KCNT2: variants seen among roughly 807,000 people sequenced by gnomAD.
KCNT2 encodes potassium channel subfamily T member 2.
In KCNT2, 67 loss-of-function variants were observed where a neutral mutation model predicts 153.8. The ratio of observed to expected loss-of-function variants is 0.44; its 90% confidence interval spans 0.36 to 0.53. The LOEUF is 0.53. KCNT2 is among the 20% of genes least tolerant of loss of function. KCNT2 has a pLI of 0.00. For missense variants in KCNT2, 975 were observed against 1,354.8 expected (o/e 0.72, Z 4.40); for synonymous variants, 500 against 458.8 (o/e 1.09, Z -1.15).
chr1:196,276,045 TTC>T (rs1430266275), intron 25 of KCNT2, among the ~76,000 whole-genome samples: 4 of 152,002 alleles, frequency 2.6e-5, no homozygotes, highest in Non-Finnish European at 5.9e-5. Flanking sequence ...ATGTTGTTCT[TTC>T]TCTCTCTGTT....
intron 14 of KCNT2, among the ~76,000 whole-genome samples, chr1:196,345,752 G>A (rs977617998): frequency 2.0e-5 from 3 of 152,038 alleles, no homozygotes; most frequent in Admixed American, 1.3e-4. Context: ...GGCAGACTTC[G>A]AGAATTTGCT....
intron 13 of KCNT2, among the ~76,000 whole-genome samples, chr1:196,379,565 T>TTCTC (rs67709356): frequency 0.035 from 4,764 of 136,082 alleles, 84 homozygotes; most frequent in South Asian, 0.052. Flanking sequence ...CAGTGAGACT[T>TTCTC]TCTCTCTCTC....
chr1:196,274,163 G>T (rs938258923), intron 25 of KCNT2, among the ~76,000 whole-genome samples: 1 of 151,500 alleles, frequency 6.6e-6, no homozygotes, highest in African/African-American at 2.4e-5. Context: ...TAAACTAATT[G>T]ATTTCCTTAA....
At chr1:196,409,305 A>G (rs1319242739) in intron 12 of KCNT2, among the ~76,000 whole-genome samples, 4 of 151,224 alleles carry the variant, frequency 2.6e-5, no homozygotes, top group East Asian at 3.9e-4. Context: ...GTTCCATTTA[A>G]TCATACAGGT....
chr1:196,562,357 C>G (rs950256424), intron 1 of KCNT2, among the ~76,000 whole-genome samples: 1 of 151,870 alleles, frequency 6.6e-6, no homozygotes, highest in Non-Finnish European at 1.5e-5. Flanking sequence ...TGCCTGCATT[C>G]AAAAGGAAGG....
At chr1:196,232,782 T>C (rs1006712164) in intron 27 of KCNT2, among the ~76,000 whole-genome samples, 3 of 151,480 alleles carry the variant, frequency 2.0e-5, no homozygotes, top group Admixed American at 6.6e-5. Flanking sequence ...TTTGACAAAA[T>C]GACATGTTCT....
chr1:196,384,617 C>T (rs1357113965), intron 13 of KCNT2, among the ~76,000 whole-genome samples: 2 of 149,408 alleles, frequency 1.3e-5, no homozygotes, highest in African/African-American at 2.5e-5. Context: ...GTAGGAGAAT[C>T]GCTTGAACCC....
At chr1:196,572,265 T>A (rs761253503) in intron 1 of KCNT2, among the ~76,000 whole-genome samples, 22 of 152,084 alleles carry the variant, frequency 1.4e-4, no homozygotes, top group Non-Finnish European at 2.8e-4. Context: ...TCTCTCAGTA[T>A]AGGGAAATCT....
At chr1:196,284,485 G>C (rs759143597) in intron 23 of KCNT2, among the ~76,000 whole-genome samples, 6 of 151,086 alleles carry the variant, frequency 4.0e-5, no homozygotes, top group Non-Finnish European at 7.4e-5. Context: ...AGAGGATACT[G>C]TGGCTAAAAA....
At chr1:196,543,223 T>C (rs1426522329) in intron 1 of KCNT2, among the ~76,000 whole-genome samples, 1 of 152,150 alleles carries the variant, frequency 6.6e-6, no homozygotes, top group African/African-American at 2.4e-5. Context: ...TTCAAACAAT[T>C]AAATTTGATA....
chr1:196,311,607 C>A (rs751651498), intron 21 of KCNT2, among the ~76,000 whole-genome samples: 1 of 151,776 alleles, frequency 6.6e-6, no homozygotes, highest in Non-Finnish European at 1.5e-5. Context: ...GGACTTTTAC[C>A]ATACAAATTC....
intron 4 of KCNT2, among the ~76,000 whole-genome samples, 171 bp downstream of exon 4, chr1:196,482,160 G>C (rs1486180343): frequency 2.6e-5 from 4 of 152,108 alleles, no homozygotes; most frequent in African/African-American, 9.6e-5. Context: ...TAGAATGCAG[G>C]GCTCAGACAA....
chr1:196,399,092 T>A (rs991116648), intron 12 of KCNT2, among the ~76,000 whole-genome samples: 2 of 92,706 alleles, frequency 2.2e-5, no homozygotes, highest in Non-Finnish European at 5.2e-5. Flanking sequence ...TTTTGACCTG[T>A]GTGTATGTGT....
chr1:196,324,120 A>G (rs867668413), intron 19 of KCNT2, among the ~76,000 whole-genome samples: 18 of 152,088 alleles, frequency 1.2e-4, no homozygotes, highest in African/African-American at 3.1e-4. Context: ...CAGATTTTAC[A>G]GCGTGAACTT....
intron 25 of KCNT2, among the ~76,000 whole-genome samples, chr1:196,261,322 CTTTAAG>C (rs561763681): frequency 2.6e-5 from 4 of 151,876 alleles, no homozygotes; most frequent in Non-Finnish European, 5.9e-5. Flanking sequence ...AATCTAAGCT[CTTTAAG>C]TTTATTTCCA....
At position 196,423,092 on chromosome 1, in the gene KCNT2, A is replaced by G. The variant is rs1370744880; in HGVS notation, c.1143T>C (p.Cys381=). ...CTTCACAACGGCTACTGAGAATAAA[A>G]CAGGCCTCAGCGTCATCCATCCTAA... ...LRAKMDDAEA[C]FILSSRCEVD... Residue 381 remains cysteine, a synonymous_variant, in exon 12 of 28, where the codon TGT becomes TGC. Transcript: ENST00000294725. The G allele has an allele frequency of 6.2e-7, 1 of 1,604,566 alleles. No homozygotes were observed. Among genetic ancestry groups the G allele is most frequent in the Non-Finnish European group, 8.5e-7 (1 of 1,174,116 alleles).
chr1:196,458,125 A>T (rs557815047), intron 8 of KCNT2, among the ~76,000 whole-genome samples: 2 of 152,062 alleles, frequency 1.3e-5, no homozygotes, highest in South Asian at 4.1e-4. Context: ...TAATATATAC[A>T]AAATAAATAT....
rs997169803 is a variant in KCNT2, at chr1:196,608,416, G to C, written c.-107C>G. ...AGAGGACTAACAAGACGCTGTGGCC[G>C]AGAGAGGGATGGGAGAAGGGGAAGG... is the stretch of plus-strand genomic sequence containing the variant. On this transcript the variant is annotated 5_prime_UTR_variant, in exon 1 of 28. Coordinates refer to ENST00000294725, the MANE Select transcript of KCNT2 (RefSeq NM_198503.5). The C allele has an allele frequency of 8.3e-6, 7 of 841,092 alleles. No homozygotes were observed. The highest frequency in any genetic ancestry group is 1.4e-5 in the Non-Finnish European group (7 of 505,636). 52.1% of individuals were successfully genotyped at this position (841,092 alleles called of 1,614,324 possible). A position where few individuals can be genotyped will look rare whatever the true frequency, so the allele number is the denominator to read the frequency against.
intron 8 of KCNT2, among the ~76,000 whole-genome samples, chr1:196,457,237 A>G (rs1031848715): frequency 6.6e-6 from 1 of 151,740 alleles, no homozygotes; most frequent in African/African-American, 2.4e-5. Flanking sequence ...TTCTCACACT[A>G]AAAATTAAAT....
Sources: allele counts gnomAD v4.1 joint callset (sites outside exome capture counted in the v4.1 genomes callset), GRCh38; gene constraint gnomAD v4.1.1; transcripts MANE v1.5; gene names NCBI Gene and HGNC (gene_info 2026-07-23, HGNC 2026-07-21).